Variants in LAMA5 observed in about 807,000 individuals in gnomAD.
LAMA5 encodes laminin subunit alpha 5.
In LAMA5, 260 loss-of-function variants were observed where a neutral mutation model predicts 433.4. The ratio of observed to expected loss-of-function variants is 0.60; its 90% CI spans 0.54 to 0.66. LAMA5 has a LOEUF of 0.66. LAMA5 is among the 30% of genes least tolerant of loss of function. LAMA5 has a pLI of 0.00. For synonymous variants in LAMA5, 2,620 were observed against 2,226.6 expected, an observed-to-expected ratio of 1.18 and a Z score of -4.97; for missense variants, 5,378 against 5,258.5, an observed-to-expected ratio of 1.02 and a Z score of -0.70.
chr20:62,340,009 C>T (rs1490177240), intron 11 of LAMA5, among the ~76,000 whole-genome samples: 3 of 152,052 alleles, frequency 2.0e-5, no homozygotes, highest in Non-Finnish European at 4.4e-5. Flanking sequence ...GTGCAGGGAG[C>T]TGGGGTGGAC....
intron 51 of LAMA5, among the ~76,000 whole-genome samples, chr20:62,319,404 G>C (rs77713982): frequency 6.6e-6 from 1 of 152,002 alleles, no homozygotes; most frequent in African/African-American, 2.4e-5. Context: ...CCATGTCTCA[G>C]TGTGCACTAC....
In LAMA5 at chr20:62,333,448, C is replaced by T. The variant is rs144793687; in HGVS notation, c.3055G>A (p.Glu1019Lys). ...ACCCGCAGCTGCAGGAGCGCCGCCT[C>T]GTAGTATGCGCTAGGCAGCAGAACC... ...YVVLLPSAYYEAALLQLRVTE... is the reference protein window; with the variant it reads ...YVVLLPSAYYKAALLQLRVTE... Residue 1019 changes from glutamate to lysine, a missense_variant, in exon 25 of 80, where the codon GAG becomes AAG. Physicochemically the swap from Glu to Lys is moderately conservative, Grantham distance 56 (BLOSUM62 1). Transcript: ENST00000252999. 14 of 1,612,596 alleles carry T rather than the reference C, an allele frequency of 8.7e-6. No individual in the cohort carries two copies. Among genetic ancestry groups the T allele is most frequent in the South Asian group, 5.5e-5 (5 of 91,080 alleles).
chr20:62,357,353 C>T (rs546350157), intron 2 of LAMA5, among the ~76,000 whole-genome samples: 12 of 152,306 alleles, frequency 7.9e-5, no homozygotes, highest in Admixed American at 3.9e-4. Context: ...GGGCCAGCAC[C>T]CTGATCGCAC....
At chr20:62,339,770 A>G (rs1484845493) in intron 11 of LAMA5, among the ~76,000 whole-genome samples, 3 of 152,178 alleles carry the variant, frequency 2.0e-5, no homozygotes, top group Non-Finnish European at 4.4e-5. Flanking sequence ...TTCTTGCTCT[A>G]ACTTGTGAAA....
chr20:62,323,780 C>G lies in LAMA5; in HGVS notation c.5845G>C (p.Glu1949Gln), dbSNP rs374743870. 6.2e-7 allele frequency: 1 copy of G among 1,609,876 alleles called. No individual in the cohort carries two copies. The highest frequency in any genetic ancestry group is 8.5e-7 in the Non-Finnish European group (1 of 1,178,400). Residue 1949 changes from glutamate to glutamine, a missense_variant, in exon 44 of 80, where the codon GAG becomes CAG. By Grantham distance (29) the Glu-to-Gln change is conservative (BLOSUM62 2). Coordinates refer to ENST00000252999, the MANE Select transcript of LAMA5 (RefSeq NM_005560.6). ...ACTGCCCTAGCCCCAGCTCACCGCT[C>G]GCAGGAGGCACCTGCATAACCAGGT... ...CKPGYAGASC[E>Q]RCAPGFFGNP...
At chr20:62,354,676 G>A (rs969259486) in intron 2 of LAMA5, among the ~76,000 whole-genome samples, 1 of 152,084 alleles carries the variant, frequency 6.6e-6, no homozygotes, top group Non-Finnish European at 1.5e-5. Context: ...GCAGCACCCC[G>A]CCTTCACACT....
chr20:62,361,837 G>T lies in LAMA5; in HGVS notation c.450+563C>A, dbSNP rs187084261. Among the ~76,000 whole-genome samples, 3 of 152,314 alleles carry T rather than the reference G, an allele frequency of 2.0e-5. No individual in the cohort carries two copies. In the East Asian group the frequency reaches 5.8e-4, roughly 29 times the overall value. ...GCCCACCTTGGGGGTTTCACTCTTC[G>T]CTTGGAGGCACCCAGCTGCAGCCTC... On this transcript the variant is annotated intron_variant, in intron 2 of 79. Transcript: ENST00000252999.
rs760209781 is a variant in LAMA5 at position 62,313,699 on chromosome 20, G to A, written c.8608C>T (p.Arg2870Trp). 45 of 1,612,730 alleles carry A rather than the reference G, an allele frequency of 2.8e-5. No individual in the cohort carries two copies. Among genetic ancestry groups the A allele is most frequent in the African/African-American group, 1.5e-4 (11 of 74,948 alleles). ...APGAEGLLNL[R>W]PDDFVFYVGG... Reference sequence around the variant, plus strand: ...ACGTAGAAGACGAAGTCGTCTGGCCGCAGGTTGAGCAGCCCCTCTGCCCCA... The same window carrying A: ...ACGTAGAAGACGAAGTCGTCTGGCCACAGGTTGAGCAGCCCCTCTGCCCCA... Residue 2870 changes from arginine (R) to tryptophan (W), a missense_variant, in exon 63 of 80, where the codon CGG (arginine) becomes TGG (tryptophan). Coordinates refer to ENST00000252999, the MANE Select transcript of LAMA5 (RefSeq NM_005560.6).
chr20:62,319,596 C>T, intron 51 of LAMA5, 88 bp downstream of exon 51: 8 of 907,382 alleles, frequency 8.8e-6, no homozygotes, highest in Middle Eastern at 3.1e-4. Context: ...GCCTGTTCTT[C>T]CAGGCCAAGC....
At position 62,346,116 on chromosome 20, in the gene LAMA5, C is replaced by T; in HGVS notation, c.1382G>A (p.Cys461Tyr). The change falls in exon 10 of 80, where the codon TGT (cysteine) becomes TAT (tyrosine). Residue 461 changes from cysteine (C) to tyrosine (Y), a missense_variant. Physicochemically the swap from Cys to Tyr is radical, Grantham distance 194. Transcript: ENST00000252999. ...PNFSGERCDV[C>Y]AEGFTGFPSC... is the part of the protein sequence containing the mutation. Reference sequence around the variant, plus strand: ...TGGGAAGCCCGTGAAGCCCTCGGCACACACGTCACACCGCTCCCCAGAGAA... The same window carrying T: ...TGGGAAGCCCGTGAAGCCCTCGGCATACACGTCACACCGCTCCCCAGAGAA... 3.7e-6 allele frequency: 6 copies of T among 1,613,040 alleles called. No homozygotes were observed. Among genetic ancestry groups the T allele is most frequent in the Non-Finnish European group, 5.1e-6 (6 of 1,179,992 alleles).
At position 62,325,376 on chromosome 20, in the gene LAMA5, G is replaced by T. The variant is rs765943515; in HGVS notation, c.5469C>A (p.Ala1823=). Residue 1823 remains alanine, a synonymous_variant, in exon 41 of 80, where the codon GCC becomes GCA. Transcript: ENST00000252999. ...LEVASPAGQG[A]LASNVELCLC... is the part of the protein sequence containing the mutation. ...GGCACAGCTCCACATTGCTGGCCAG[G>T]GCCCCCTGGCCTGCTGGGCTGGCCA... is the stretch of plus-strand genomic sequence containing the variant. 1 of 1,609,982 alleles carries T rather than the reference G, an allele frequency of 6.2e-7. No homozygotes were observed.
chr20:62,353,458 C>A, intron 2 of LAMA5: 1 of 500,126 alleles, frequency 2.0e-6, no homozygotes, highest in South Asian at 2.7e-5. Flanking sequence ...CCCCCGGGAA[C>A]CAGCCCTCCT....
At position 62,311,083 on chromosome 20, in the gene LAMA5, G is replaced by C; in HGVS notation, c.10100C>G (p.Ser3367Cys). 6.3e-7 allele frequency: 1 copy of C among 1,582,178 alleles called. No individual in the cohort carries two copies. The change falls in exon 74 of 80, where the codon TCC becomes TGC. Residue 3367 changes from serine to cysteine, a missense_variant. Ser to Cys is a moderately radical substitution (Grantham distance 112). Transcript: ENST00000252999. ...GGAGCTTCGCGGGAGGACGTGCATG[G>C]AGAGACTGGGCCTGGAAGCGGAGCT... Reference protein sequence around the residue: ...LARHRNWPSLSMHVLPRSSRG... With the variant: ...LARHRNWPSLCMHVLPRSSRG...
In LAMA5 at chr20:62,337,592, T is replaced by G; in HGVS notation, c.2162A>C (p.Glu721Ala). Reference sequence around the variant, plus strand: ...CACACAGCCACCTGCCTGCTCACCTTCGCAGTAGGGGAAGTTGTAGGCACC... The same window carrying G: ...CACACAGCCACCTGCCTGCTCACCTGCGCAGTAGGGGAAGTTGTAGGCACC... ...VPGAYNFPYCEAGSCHPAGLA... is the reference protein window; with the variant it reads ...VPGAYNFPYCAAGSCHPAGLA... Residue 721 changes from glutamate (E) to alanine (A), a missense_variant and splice_region_variant, in exon 16 of 80, where the codon GAA (glutamate) becomes GCA (alanine). Physicochemically the swap from Glu to Ala is moderately radical, Grantham distance 107. Coordinates refer to ENST00000252999, the MANE Select transcript of LAMA5 (RefSeq NM_005560.6). 5.6e-6 allele frequency: 9 copies of G among 1,603,908 alleles called. No individual in the cohort carries two copies. The highest frequency in any genetic ancestry group is 7.7e-6 in the Non-Finnish European group (9 of 1,176,106).
intron 52 of LAMA5, 35 bp downstream of exon 52, chr20:62,318,807 CT>C: frequency 1.9e-6 from 3 of 1,604,284 alleles, no homozygotes; most frequent in Non-Finnish European, 2.5e-6. Flanking sequence ...GTCCCTGCCT[CT>C]CCCCACCCCG....
At chr20:62,323,906 C>T (rs1978795756) in intron 43 of LAMA5, 50 bp from the exon 44 acceptor site, 1 of 1,537,758 alleles carries the variant, frequency 6.5e-7, no homozygotes, top group African/African-American at 1.4e-5. Context: ...GTGCCCGGGC[C>T]CGGGCGAGCA....
chr20:62,329,924 G>A lies in LAMA5; in HGVS notation c.3980-8C>T. The stretch of plus-strand genomic sequence containing the variant: ...AGCTGGCGTTGGCGTGGCCTGGGCG[G>A]GGGAGAAAGGCAGGGTCAGGCCCCC... On this transcript the variant is annotated splice_polypyrimidine_tract_variant and splice_region_variant and intron_variant, in intron 31 of 79. Transcript: ENST00000252999. The A allele has an allele frequency of 6.2e-7, 1 of 1,610,034 alleles. No homozygotes were observed. The highest frequency in any genetic ancestry group is 1.7e-5 in the Admixed American group (1 of 59,914).
chr20:62,334,507 G>A lies in LAMA5; in HGVS notation c.2582+15C>T, dbSNP rs760395663. On this transcript the variant is annotated intron_variant, in intron 21 of 79. Transcript: ENST00000252999. ...TGCCCCGCTCCCCACCACCCAGTGG[G>A]GAAGGGGTACCCACTCGCTGCAGGT... 35 of 1,545,934 alleles carry A rather than the reference G, an allele frequency of 2.3e-5. 2 individuals carry two copies. In the Middle Eastern group the frequency reaches 5.1e-3, roughly 224 times the overall value.
At position 62,367,218 on chromosome 20, in the gene LAMA5, C is replaced by A. The variant is rs572849050; in HGVS notation, c.28G>T (p.Ala10Ser). ...CCCCGGGGGCCGCGAACACACAGTG[C>A]GCTCCCCGCGCAGAGCCGCTTCGCC... is the stretch of plus-strand genomic sequence containing the variant. MAKRLCAGS[A>S]LCVRGPRGPA... The change falls in exon 1 of 80, where the codon GCA (alanine) becomes TCA (serine). Residue 10 changes from alanine to serine, a missense_variant. Transcript: ENST00000252999. 8,393 of 1,206,076 alleles carry A rather than the reference C, an allele frequency of 7.0e-3. 49 individuals carry two copies. Among genetic ancestry groups the A allele is most frequent in the Non-Finnish European group, 7.3e-3 (7,114 of 972,448 alleles). The allele number at this position is 1,206,076 out of a possible 1,614,324, so 74.7% of individuals were successfully genotyped here.
Sources: allele counts gnomAD v4.1 joint callset (sites outside exome capture counted in the v4.1 genomes callset), GRCh38; gene constraint gnomAD v4.1.1; transcripts MANE v1.5; gene names NCBI Gene and HGNC (gene_info 2026-07-23, HGNC 2026-07-21).